The following ADGRV1 variants were observed in gnomAD, a reference collection of about 807,000 sequenced individuals.
The protein encoded by ADGRV1 is G-protein coupled receptor 98.
A neutral mutation model predicts 596.2 loss-of-function variants in ADGRV1; 359 were observed. The observed-to-expected ratio is 0.60, with a 90% CI of 0.55 to 0.66. The LOEUF (loss-of-function observed/expected upper bound fraction) is 0.66, where lower values mean the gene tolerates loss of function less well. Among genes scored for constraint, ADGRV1 ranks in the 30% least tolerant of loss-of-function variants. The pLI is 0.00. For synonymous variants in ADGRV1, 2,681 were observed against 2,679.2 expected, an observed-to-expected ratio of 1.00 and a Z score of -0.02; for missense variants, 7,274 against 7,575.6, an observed-to-expected ratio of 0.96 and a Z score of 1.48.
Position 90,757,036 on chromosome 5 carries a change from G to C in ADGRV1, c.11815G>C (p.Val3939Leu), listed in dbSNP as rs1755904401. ...EVPPPLNVLQ[V>L]PVVRLAGSFG... ...GCCTCCACCCTTGAACGTTCTTCAA[G>C]TTCCTGTAGTCCGGCTGGCTGGAAG... The change falls in exon 57 of 90, where the codon GTT (valine) becomes CTT (leucine). Residue 3939 changes from valine (V) to leucine (L), a missense_variant. Val to Leu is a conservative substitution (Grantham distance 32, BLOSUM62 1). Around this residue, in one of 5 missense-constraint regions of ADGRV1, gnomAD observed 3,643 missense variants for 3,809.2 expected, o/e 0.96. Coordinates refer to ENST00000405460, the MANE Select transcript of ADGRV1 (RefSeq NM_032119.4). 6.2e-6 allele frequency: 10 copies of C among 1,613,722 alleles called. No homozygotes were observed. Among genetic ancestry groups the C allele is most frequent in the Admixed American group, 1.7e-5 (1 of 59,990 alleles).
In ADGRV1 at chr5:90,642,640, A is replaced by G. The variant is rs761757244; in HGVS notation, c.2245A>G (p.Asn749Asp). 1 of 1,612,686 alleles carries G rather than the reference A, an allele frequency of 6.2e-7. No homozygotes were observed. Among genetic ancestry groups the G allele is most frequent in the Non-Finnish European group, 8.5e-7 (1 of 1,179,310 alleles). Residue 749 changes from asparagine (N) to aspartate (D), a missense_variant, in exon 12 of 90, where the codon AAC (asparagine) becomes GAC (aspartate). Asn to Asp is a conservative substitution (Grantham distance 23). Transcript: ENST00000405460. ...TTGTCTCTCTGACTTCTCTAGGGTT[A>G]ACGTGGAAAACCAAGTGCTGAAATC... ...ETVTLSLDRV[N>D]VENQVLKSGY...
chr5:90,714,920 C>G (rs1749889183), intron 42 of ADGRV1, among the ~76,000 whole-genome samples: 1 of 152,084 alleles, frequency 6.6e-6, no homozygotes, highest in African/African-American at 2.4e-5. Context: ...ATTATCTCAC[C>G]TATTCCTTAA....
At chr5:90,944,753 A>G (rs758392286) in intron 83 of ADGRV1, among the ~76,000 whole-genome samples, 3 of 152,196 alleles carry the variant, frequency 2.0e-5, no homozygotes, top group Non-Finnish European at 4.4e-5. Context: ...TATTTAATTG[A>G]CAAACTGTTG....
chr5:90,600,045 A>T (rs1269954070), intron 1 of ADGRV1, among the ~76,000 whole-genome samples: 2 of 152,212 alleles, frequency 1.3e-5, no homozygotes, highest in African/African-American at 4.8e-5. Context: ...CCTGGTAGTG[A>T]CAATAGATAA....
At chr5:90,854,553 G>C (rs1230426644) in intron 81 of ADGRV1, among the ~76,000 whole-genome samples, 4 of 152,172 alleles carry the variant, frequency 2.6e-5, no homozygotes, top group Non-Finnish European at 5.9e-5. Flanking sequence ...TGGGCTTGTG[G>C]TTCTGGAAAC....
intron 20 of ADGRV1, among the ~76,000 whole-genome samples, chr5:90,657,197 G>A (rs1394756043): frequency 6.6e-6 from 1 of 150,794 alleles, no homozygotes; most frequent in African/African-American, 2.4e-5. Context: ...CACTTTGGGA[G>A]GATCGCTTGA....
At chr5:90,817,152 C>G (rs895645439) in intron 75 of ADGRV1, among the ~76,000 whole-genome samples, 2 of 152,174 alleles carry the variant, frequency 1.3e-5, no homozygotes, top group African/African-American at 2.4e-5. Context: ...TTGCATTTCT[C>G]TGATGGCCAG....
intron 1 of ADGRV1, among the ~76,000 whole-genome samples, chr5:90,560,004 A>G (rs1754601104): frequency 6.6e-6 from 1 of 152,172 alleles, no homozygotes; most frequent in Admixed American, 6.5e-5. Context: ...TATTCCGCCT[A>G]TATAATTTGA....
In ADGRV1 at chr5:90,658,192, G is replaced by A. The variant is rs200955930; in HGVS notation, c.4666G>A (p.Glu1556Lys). The A allele has an allele frequency of 7.3e-4, 1,162 of 1,584,604 alleles. No homozygotes were observed. The highest frequency in any genetic ancestry group is 1.4e-3 in the Middle Eastern group (8 of 5,912). ...VSVYGGARIS[E>K]ENTTARLTIQ... ...TGTATATGGAGGAGCTCGTATTTCG[G>A]AAGAAAATACTACTGCAAGATTAAC... The change falls in exon 21 of 90, where the codon GAA becomes AAA. Residue 1556 changes from glutamate (E) to lysine (K), a missense_variant. This residue lies in a region of ADGRV1 where 3,643 missense variants were observed against 3,809.2 expected (regional missense o/e 0.96). Transcript: ENST00000405460.
chr5:90,652,610 A>C, intron 19 of ADGRV1, 47 bp downstream of exon 19: 9 of 1,214,018 alleles, frequency 7.4e-6, no homozygotes, highest in East Asian at 2.6e-5. Flanking sequence ...TCTTATTTAT[A>C]CTAAATTTTA....
intron 83 of ADGRV1, among the ~76,000 whole-genome samples, chr5:90,958,283 C>CAAAAAAAAAAAA (rs34676985): frequency 2.7e-5 from 2 of 72,832 alleles, no homozygotes; most frequent in African/African-American, 4.9e-5. Context: ...GACCTTGTCT[C>CAAAAAAAAAAAA]AAAAAAAAAA....
chr5:90,788,262 G>T lies in ADGRV1; in HGVS notation c.13845G>T (p.Val4615=). 3.1e-6 allele frequency: 5 copies of T among 1,612,492 alleles called. No individual in the cohort carries two copies. The highest frequency in any genetic ancestry group is 4.2e-6 in the Non-Finnish European group (5 of 1,178,570). The part of the protein sequence containing the change: ...EETFIIKLHL[V]KGEAKLDSRA... ...CATTCATTATTAAACTTCATCTTGT[G>T]AAAGGAGAAGCTAAATTAGACTCCA... The change falls in exon 68 of 90, where the codon GTG becomes GTT. Residue 4615 remains valine, a synonymous_variant. Transcript: ENST00000405460.
chr5:91,035,866 T>TATATA (rs1562121941), intron 85 of ADGRV1, among the ~76,000 whole-genome samples: 2 of 126,234 alleles, frequency 1.6e-5, no homozygotes, highest in African/African-American at 2.9e-5. Context: ...ATATATTATA[T>TATATA]ATATATATAT....
intron 87 of ADGRV1, among the ~76,000 whole-genome samples, chr5:91,147,162 G>A (rs1795611082): frequency 3.3e-5 from 4 of 119,404 alleles, no homozygotes; most frequent in African/African-American, 9.7e-5. Context: ...GGGTGACACA[G>A]CAAGACCTTG....
intron 79 of ADGRV1, among the ~76,000 whole-genome samples, chr5:90,850,388 C>T (rs1766362361): frequency 6.6e-6 from 1 of 152,162 alleles, no homozygotes; most frequent in Non-Finnish European, 1.5e-5. Context: ...CTCACCACTG[C>T]TCCTAAATGT....
At chr5:90,832,583 T>C (rs1764612052) in intron 77 of ADGRV1, among the ~76,000 whole-genome samples, 1 of 152,278 alleles carries the variant, frequency 6.6e-6, no homozygotes, top group African/African-American at 2.4e-5. Context: ...GTTTCTTTGG[T>C]TGTGCAGAAA....
chr5:90,828,855 T>C, intron 76 of ADGRV1, 89 bp from the exon 77 acceptor site: 1 of 722,560 alleles, frequency 1.4e-6, no homozygotes, highest in East Asian at 3.0e-5. Context: ...AAAATGTATA[T>C]GAATTATACA....
intron 34 of ADGRV1, among the ~76,000 whole-genome samples, chr5:90,699,262 G>A (rs917657084): frequency 4.6e-5 from 7 of 152,120 alleles, no homozygotes; most frequent in African/African-American, 1.7e-4. Context: ...AAGAGGGTCA[G>A]CCTCTAATGG....
At chr5:90,771,658 A>T (rs1217151637) in intron 59 of ADGRV1, among the ~76,000 whole-genome samples, 1 of 152,202 alleles carries the variant, frequency 6.6e-6, no homozygotes, top group African/African-American at 2.4e-5. Context: ...TAAATTTTTT[A>T]AAAACAGGAA....
Sources: gnomAD v4.1 joint callset for allele counts (sites outside exome capture counted in the v4.1 genomes callset) on GRCh38, gnomAD v4.1.1 for gene constraint, gnomAD v4.1.1 regional missense constraint, MANE v1.5 for transcripts, NCBI Gene and HGNC (gene_info 2026-07-23, HGNC 2026-07-21) for gene names.